The following ATP8A2 variants were observed in gnomAD, a reference collection of about 807,000 sequenced individuals.
The protein encoded by ATP8A2 is ATPase phospholipid transporting 8A2.
Under a neutral mutation model 165.6 loss-of-function variants are expected in ATP8A2, and 100 were observed. The observed-to-expected ratio is 0.60, with a 90% CI of 0.51 to 0.71. The LOEUF is 0.71. Ranked by LOEUF, ATP8A2 falls within the 30% of genes least tolerant of loss-of-function variation. The pLI is 0.00. For missense variants in ATP8A2, 1,227 were observed against 1,479.5 expected (o/e 0.83, Z 2.80); for synonymous variants, 543 against 548.8 (o/e 0.99, Z 0.15).
At chr13:25,419,918 G>A (rs562981687) in intron 1 of ATP8A2, among the ~76,000 whole-genome samples, 70 of 152,304 alleles carry the variant, frequency 4.6e-4, no homozygotes, top group Non-Finnish European at 8.5e-4. Context: ...GCAGGCAGTT[G>A]TGGCTCTGAT....
intron 28 of ATP8A2, among the ~76,000 whole-genome samples, chr13:25,829,696 ATATATATATATATATATATATAT>A (rs1224540424): frequency 3.2e-5 from 2 of 61,634 alleles, no homozygotes; most frequent in African/African-American, 1.1e-4. Context: ...ATATATATAT[ATATATATATATATATATATATAT>A]ATCACCTGCT....
intron 23 of ATP8A2, among the ~76,000 whole-genome samples, chr13:25,586,360 T>C (rs985496941): frequency 1.3e-5 from 2 of 151,960 alleles, no homozygotes; most frequent in African/African-American, 4.8e-5. Context: ...TGTCCCAACG[T>C]GGGGAGAAGC....
chr13:26,000,462 TCAGCTCTC>T (rs1956610661), intron 35 of ATP8A2, among the ~76,000 whole-genome samples: 1 of 152,180 alleles, frequency 6.6e-6, no homozygotes, highest in South Asian at 2.1e-4. Flanking sequence ...CCATCATAAC[TCAGCTCTC>T]CACTTCTTCC....
chr13:26,019,765 A>G (rs1042924761), intron 36 of ATP8A2, 123 bp from the exon 37 acceptor site: 1 of 659,558 alleles, frequency 1.5e-6, no homozygotes, highest in African/African-American at 1.8e-5. Context: ...CACCTATCCA[A>G]GGCTAAGGAG....
At chr13:25,818,650 T>A (rs1951086595) in intron 27 of ATP8A2, among the ~76,000 whole-genome samples, 1 of 152,234 alleles carries the variant, frequency 6.6e-6, no homozygotes. Context: ...CACTTTAGCC[T>A]GTATCATCAT....
At chr13:25,489,423 C>A (rs1044180596) in intron 2 of ATP8A2, among the ~76,000 whole-genome samples, 2 of 152,174 alleles carry the variant, frequency 1.3e-5, no homozygotes, top group African/African-American at 2.4e-5. Flanking sequence ...GCATCTCCAC[C>A]GTTTGCAGGC....
At chr13:25,565,896 A>G (rs181883894) in intron 16 of ATP8A2, among the ~76,000 whole-genome samples, 3 of 151,410 alleles carry the variant, frequency 2.0e-5, no homozygotes, top group Admixed American at 6.6e-5. Flanking sequence ...AAATTATTCA[A>G]TGATCAAAAC....
At chr13:25,908,057 C>T (rs1225715287) in intron 33 of ATP8A2, among the ~76,000 whole-genome samples, 2 of 152,172 alleles carry the variant, frequency 1.3e-5, no homozygotes, top group Non-Finnish European at 2.9e-5. Flanking sequence ...ATGAACTCTA[C>T]AGTCTGGCAT....
intron 35 of ATP8A2, among the ~76,000 whole-genome samples, chr13:25,993,063 C>T (rs1956427844): frequency 6.6e-6 from 1 of 151,568 alleles, no homozygotes; most frequent in East Asian, 1.9e-4. Context: ...GTATATGTCC[C>T]ACATTTTCTT....
chr13:25,745,960 A>G (rs1316124860), intron 25 of ATP8A2, among the ~76,000 whole-genome samples: 5 of 152,200 alleles, frequency 3.3e-5, no homozygotes, highest in East Asian at 1.9e-4. Flanking sequence ...ACTACATCCT[A>G]TCATGTTGAT....
chr13:25,690,787 A>G (rs1027172035), intron 24 of ATP8A2, among the ~76,000 whole-genome samples: 7 of 152,158 alleles, frequency 4.6e-5, no homozygotes, highest in Non-Finnish European at 1.0e-4. Context: ...AAGGTTAAAC[A>G]TGCACTTGCT....
At chr13:25,752,974 A>G (rs73478874) in intron 25 of ATP8A2, among the ~76,000 whole-genome samples, 2,931 of 152,148 alleles carry the variant, frequency 0.019, 90 homozygotes, top group African/African-American at 0.067. Flanking sequence ...TGATTTATAA[A>G]TAGGTCATCT....
rs1392002974 is a variant in ATP8A2 at position 25,880,481 on chromosome 13, C to T, written c.3183+18073C>T. On this transcript the variant is annotated intron_variant, in intron 33 of 36. Transcript: ENST00000381655. ...TCACACTTAAGTAAATCAGTTATTACAAGCAAGGAAAGTTGCTCTCCAGCC... is the reference window on the plus strand; with the variant it reads ...TCACACTTAAGTAAATCAGTTATTATAAGCAAGGAAAGTTGCTCTCCAGCC... 1.3e-5 allele frequency among the ~76,000 whole-genome samples: 2 copies of T among 151,594 alleles called. 1 individual carries two copies. The highest frequency in any genetic ancestry group is 2.9e-5 in the Non-Finnish European group (2 of 67,918).
chr13:25,425,583 C>CTTTT (rs1197808475), intron 1 of ATP8A2, among the ~76,000 whole-genome samples: 3 of 112,192 alleles, frequency 2.7e-5, no homozygotes, highest in Non-Finnish European at 2.0e-5. Flanking sequence ...TCTTTCTTTC[C>CTTTT]TTTTTTTTTG....
rs2032476515 is a variant in ATP8A2, at chr13:25,372,894, C to G, written c.76+606C>G. 1.3e-5 allele frequency among the ~76,000 whole-genome samples: 2 copies of G among 152,124 alleles called. No individual in the cohort carries two copies. Among genetic ancestry groups the G allele is most frequent in the African/African-American group, 2.4e-5 (1 of 41,424 alleles). On this transcript the variant is annotated intron_variant, in intron 1 of 36. Transcript: ENST00000381655. The surrounding 1 kb of genome is among the most constrained non-coding windows in gnomAD (Gnocchi z 4.8). ...GCACACGCGCGCGCACACACACACA[C>G]AGGTACACACACACGTACACACGCA...
intron 30 of ATP8A2, among the ~76,000 whole-genome samples, chr13:25,855,306 G>A (rs1382419217): frequency 1.3e-5 from 2 of 151,642 alleles, no homozygotes; most frequent in African/African-American, 4.9e-5. Context: ...TCCAGTACCT[G>A]GAAACCACTG....
At chr13:25,473,513 T>A (rs1293889747) in intron 2 of ATP8A2, among the ~76,000 whole-genome samples, 2 of 152,198 alleles carry the variant, frequency 1.3e-5, no homozygotes, top group African/African-American at 4.8e-5. Flanking sequence ...CAATCATATC[T>A]CCTTTCAAAT....
chr13:25,757,503 A>ATGTG (rs113178441), intron 25 of ATP8A2, among the ~76,000 whole-genome samples: 75,218 of 150,466 alleles, frequency 0.5, 18,979 homozygotes, highest in Non-Finnish European at 0.55. Context: ...ACGATATACT[A>ATGTG]TGTGTGTGTG....
At chr13:25,685,751 C>T (rs531244124) in intron 24 of ATP8A2, among the ~76,000 whole-genome samples, 4 of 152,240 alleles carry the variant, frequency 2.6e-5, no homozygotes, top group Admixed American at 2.6e-4. Context: ...CCTCGCTGGC[C>T]ATCAGAAGGC....
Sources: allele counts gnomAD v4.1 joint callset (sites outside exome capture counted in the v4.1 genomes callset), GRCh38; gene constraint gnomAD v4.1.1; non-coding constraint Gnocchi (gnomAD v3.1); transcripts MANE v1.5; gene names NCBI Gene and HGNC (gene_info 2026-07-23, HGNC 2026-07-21).